The following TMEM132D variants were observed in gnomAD, a reference collection of about 807,000 sequenced individuals.
TMEM132D encodes mature OL transmembrane protein.
TMEM132D carries 21 observed loss-of-function variants against 62.3 expected under a neutral mutation model. The observed-to-expected ratio is 0.34, with a 90% CI of 0.24 to 0.49. The LOEUF (loss-of-function observed/expected upper bound fraction) is 0.49, where lower values mean the gene tolerates loss of function less well. TMEM132D is among the 20% of genes least tolerant of loss of function. The pLI is 0.99. For missense variants in TMEM132D, 1,346 were observed against 1,402.8 expected (o/e 0.96, Z 0.65); for synonymous variants, 621 against 575.6 (o/e 1.08, Z -1.13).
chr12:129,178,447 T>C (rs895942191), intron 5 of TMEM132D, among the ~76,000 whole-genome samples: 7 of 151,508 alleles, frequency 4.6e-5, no homozygotes, highest in African/African-American at 1.7e-4. Flanking sequence ...TTTTTTTTTT[T>C]TTGTGACTTT....
intron 5 of TMEM132D, among the ~76,000 whole-genome samples, chr12:129,156,675 C>A (rs189136566): frequency 4.6e-5 from 7 of 151,896 alleles, no homozygotes; most frequent in Non-Finnish European, 1.5e-5. Context: ...AATCCACTCA[C>A]GAGATAAATA....
rs146440556 is a variant in TMEM132D at position 129,613,176 on chromosome 12, G to A, written c.969-81971C>T. ...CACATTTCAGGAAACAGCTCACCCC[G>A]TCACTTTGGCACGTAACTGCCAAGT... is the stretch of plus-strand genomic sequence containing the variant. On this transcript the variant is annotated intron_variant, in intron 2 of 8. Transcript: ENST00000422113. Among the ~76,000 whole-genome samples the A allele has an allele frequency of 2.5e-3, 374 of 152,140 alleles. 4 individuals are homozygous for A. The highest frequency in any genetic ancestry group is 2.9e-3 in the Non-Finnish European group (195 of 67,988).
At chr12:129,307,932 A>C (rs1176962781) in intron 4 of TMEM132D, among the ~76,000 whole-genome samples, 1 of 152,218 alleles carries the variant, frequency 6.6e-6, no homozygotes, top group African/African-American at 2.4e-5. Flanking sequence ...CTAGGAATAA[A>C]GTCTAGACAC....
At chr12:129,402,615 G>A (rs1424117326) in intron 3 of TMEM132D, among the ~76,000 whole-genome samples, 1 of 152,176 alleles carries the variant, frequency 6.6e-6, no homozygotes, top group East Asian at 1.9e-4. Context: ...CTGTCACCCA[G>A]GCTGGAGTGC....
intron 3 of TMEM132D, among the ~76,000 whole-genome samples, chr12:129,438,071 T>C (rs567729337): frequency 2.0e-5 from 3 of 152,288 alleles, no homozygotes; most frequent in East Asian, 1.9e-4. Context: ...CATGAACTTA[T>C]CCTTTTTTAT....
At chr12:129,704,497 T>C (rs2137230980) in intron 1 of TMEM132D, among the ~76,000 whole-genome samples, 1 of 152,316 alleles carries the variant, frequency 6.6e-6, no homozygotes, top group Admixed American at 6.5e-5. Flanking sequence ...GAGACAGTGA[T>C]GGGGGCAGGA....
At chr12:129,124,610 G>A (rs1210710358) in intron 5 of TMEM132D, among the ~76,000 whole-genome samples, 1 of 152,136 alleles carries the variant, frequency 6.6e-6, no homozygotes, top group East Asian at 1.9e-4. Flanking sequence ...CTCAACTTCT[G>A]GCCTGTGAGA....
intron 2 of TMEM132D, among the ~76,000 whole-genome samples, chr12:129,538,708 A>G (rs986236993): frequency 3.3e-5 from 5 of 152,260 alleles, no homozygotes; most frequent in Admixed American, 1.3e-4. Context: ...ACCTTCTTGC[A>G]CTGTATTCAC....
intron 5 of TMEM132D, among the ~76,000 whole-genome samples, chr12:129,123,029 A>T (rs1385012913): frequency 6.6e-6 from 1 of 152,240 alleles, no homozygotes; most frequent in Non-Finnish European, 1.5e-5. Flanking sequence ...TCTGAGGATA[A>T]TCATAAAATA....
intron 5 of TMEM132D, among the ~76,000 whole-genome samples, chr12:129,167,177 A>G (rs1469919604): frequency 7.0e-6 from 1 of 142,740 alleles, no homozygotes; most frequent in Non-Finnish European, 1.5e-5. Flanking sequence ...AAAACAAAAA[A>G]AAAACCAGTG....
chr12:129,399,071 T>A (rs116499889), intron 3 of TMEM132D, among the ~76,000 whole-genome samples: 1,641 of 149,946 alleles, frequency 0.011, 104 homozygotes, highest in African/African-American at 0.039. Flanking sequence ...AGCACACACA[T>A]GGGACAAGGG....
intron 2 of TMEM132D, among the ~76,000 whole-genome samples, chr12:129,595,569 A>G (rs1251309706): frequency 6.6e-6 from 1 of 152,230 alleles, no homozygotes; most frequent in Admixed American, 6.5e-5. Context: ...ACTTAGACCC[A>G]TGGGTCATGC....
At chr12:129,759,693 T>C (rs1005423153) in intron 1 of TMEM132D, among the ~76,000 whole-genome samples, 1 of 152,292 alleles carries the variant, frequency 6.6e-6, no homozygotes, top group East Asian at 1.9e-4. Context: ...CCTAAATAGA[T>C]CCTAAAGGAA....
At chr12:129,487,581 G>A (rs1043548705) in intron 3 of TMEM132D, among the ~76,000 whole-genome samples, 1 of 152,042 alleles carries the variant, frequency 6.6e-6, no homozygotes, top group South Asian at 2.1e-4. Flanking sequence ...TCCAAAGTCA[G>A]TGTTGAAAGT....
intron 2 of TMEM132D, among the ~76,000 whole-genome samples, chr12:129,695,780 G>A (rs138046712): frequency 0.013 from 1,985 of 152,336 alleles, 57 homozygotes; most frequent in African/African-American, 0.043. Context: ...ATAACGAGAG[G>A]AACTATTGAA....
intron 1 of TMEM132D, among the ~76,000 whole-genome samples, chr12:129,902,888 A>C (rs1221344416): frequency 1.3e-5 from 2 of 152,158 alleles, no homozygotes; most frequent in African/African-American, 4.8e-5. Context: ...TGGTCATCTC[A>C]ATCCCCTCCT....
chr12:129,323,516 C>T (rs551962116), intron 4 of TMEM132D, among the ~76,000 whole-genome samples: 1 of 152,280 alleles, frequency 6.6e-6, no homozygotes, highest in Admixed American at 6.5e-5. Flanking sequence ...AGTGCTGATT[C>T]TTTAGGAAAA....
intron 2 of TMEM132D, among the ~76,000 whole-genome samples, chr12:129,532,072 TAAATAAAATATA>T (rs1357820823): frequency 6.6e-6 from 1 of 151,926 alleles, no homozygotes; most frequent in Admixed American, 6.6e-5. Context: ...AAAATAATAA[TAAATAAAATATA>T]AAATAAAATA....
intron 3 of TMEM132D, among the ~76,000 whole-genome samples, chr12:129,487,973 T>C (rs907052108): frequency 1.4e-5 from 2 of 141,910 alleles, no homozygotes; most frequent in African/African-American, 5.2e-5. Flanking sequence ...AGAGTGAATC[T>C]GGCCTAATCA....
Sources: gnomAD v4.1 joint callset for allele counts (sites outside exome capture counted in the v4.1 genomes callset) on GRCh38, gnomAD v4.1.1 for gene constraint, MANE v1.5 for transcripts, NCBI Gene and HGNC (gene_info 2026-07-23, HGNC 2026-07-21) for gene names.